The following MINK1 variants were observed in gnomAD, a reference collection of about 807,000 sequenced individuals.
MINK1 encodes misshapen-like kinase 1.
MINK1 carries 46 observed loss-of-function variants against 178.4 expected under a neutral mutation model. The observed-to-expected ratio is 0.26, with a 90% confidence interval of 0.20 to 0.33. The LOEUF is 0.33. Among genes scored for constraint, MINK1 ranks in the 10% least tolerant of loss-of-function variants. MINK1 has a pLI of 1.00. For missense variants in MINK1, 1,366 were observed against 1,814.9 expected (o/e 0.75, Z 4.49); for synonymous variants, 797 against 709.7 (o/e 1.12, Z -1.96).
Position 4,894,887 on chromosome 17 carries a change from C to T in MINK1, c.2918-188C>T, listed in dbSNP as rs1430344329. ...AAGCTAACAAGTGACAGAAATGGGACTTGAGCCAGACCTTTTGACTCCAAG... is the reference window on the plus strand; with the variant it reads ...AAGCTAACAAGTGACAGAAATGGGATTTGAGCCAGACCTTTTGACTCCAAG... On this transcript the variant is annotated intron_variant, in intron 24 of 31. Coordinates refer to ENST00000355280, the MANE Select transcript of MINK1 (RefSeq NM_153827.5). The surrounding 1 kb of genome is among the most constrained non-coding windows in gnomAD (Gnocchi z 4.1). 2 of 701,390 alleles carry T rather than the reference C, an allele frequency of 2.9e-6. No homozygotes were observed. The highest frequency in any genetic ancestry group is 3.6e-5 in the African/African-American group (2 of 55,812). 43.4% of individuals were successfully genotyped at this position (701,390 alleles called of 1,614,324 possible).
chr17:4,841,902 C>T (rs1225773624), intron 1 of MINK1, among the ~76,000 whole-genome samples: 5 of 151,962 alleles, frequency 3.3e-5, no homozygotes, highest in East Asian at 1.9e-4. Flanking sequence ...AGGGGGTGTT[C>T]GGAAATGCTG....
intron 1 of MINK1, among the ~76,000 whole-genome samples, chr17:4,844,193 G>T (rs1012536545): frequency 2.0e-5 from 3 of 151,984 alleles, no homozygotes; most frequent in African/African-American, 4.8e-5. Flanking sequence ...TAGAGACAGG[G>T]TTTCACCATG....
rs376469551 is a variant in MINK1 at position 4,871,363 on chromosome 17, T to A, written c.58-6954T>A. Among the ~76,000 whole-genome samples, 178 of 151,838 alleles carry A rather than the reference T, an allele frequency of 1.2e-3. 1 individual carries two copies. The highest frequency in any genetic ancestry group is 4.2e-3 in the African/African-American group (175 of 41,404). On this transcript the variant is annotated intron_variant, in intron 1 of 31. Transcript: ENST00000355280. ...ATGCCACCTTGCCTCACTAATTTTT[T>A]AAATTTTTTGTAGAGATGTGGTCTT...
rs1567549916 is a variant in MINK1, at chr17:4,836,538, T to TA, written c.57+2899dup. On this transcript the variant is annotated intron_variant, in intron 1 of 31. Coordinates refer to ENST00000355280, the MANE Select transcript of MINK1 (RefSeq NM_153827.5). The surrounding 1 kb of genome is among the most constrained non-coding windows in gnomAD (Gnocchi z 4.3). The stretch of plus-strand genomic sequence containing the variant: ...AATGTAACCCTGGCCCTGCTCCCCT[T>TA]ACTGCAGATTCTGCCAAGAGCCTTA... 6.6e-6 allele frequency among the ~76,000 whole-genome samples: 1 copy of TA among 152,194 alleles called. No homozygotes were observed. Among genetic ancestry groups the TA allele is most frequent in the Non-Finnish European group, 1.5e-5 (1 of 68,022 alleles).
Position 4,894,282 on chromosome 17 carries a change from A to C in MINK1, c.2779A>C (p.Ser927Arg). The C allele has an allele frequency of 6.2e-7, 1 of 1,613,000 alleles. No individual in the cohort carries two copies. The highest frequency in any genetic ancestry group is 2.2e-5 in the East Asian group (1 of 44,844). Reference sequence around the variant, plus strand: ...ACCCACCGAGAACAGCAAAGGCCAAAGCCCACCCTCGAAGGATGGGAGTGG... The same window carrying C: ...ACCCACCGAGAACAGCAAAGGCCAACGCCCACCCTCGAAGGATGGGAGTGG... ...HSPTENSKGQ[S>R]PPSKDGSGDY... Residue 927 changes from serine (S) to arginine (R), a missense_variant, in exon 23 of 32, where the codon AGC becomes CGC. By Grantham distance (110) the Ser-to-Arg change is moderately radical. Around this residue, in one of 14 missense-constraint regions of MINK1, gnomAD observed 709 missense variants for 692.3 expected, o/e 1.02. Coordinates refer to ENST00000355280, the MANE Select transcript of MINK1 (RefSeq NM_153827.5). The surrounding 1 kb of genome is among the most constrained non-coding windows in gnomAD (Gnocchi z 4.1).
chr17:4,837,502 C>T (rs1396417705), intron 1 of MINK1, among the ~76,000 whole-genome samples: 1 of 152,216 alleles, frequency 6.6e-6, no homozygotes, highest in Non-Finnish European at 1.5e-5. Context: ...CTGGAAGCCT[C>T]CAGCTGAGCG....
At chr17:4,889,029 G>A (rs1049345385) in intron 12 of MINK1, among the ~76,000 whole-genome samples, 4 of 152,150 alleles carry the variant, frequency 2.6e-5, no homozygotes, top group Non-Finnish European at 5.9e-5. Flanking sequence ...GGTGTTACCT[G>A]GAGAAGGCCT....
chr17:4,889,917 T>A, intron 13 of MINK1, 154 bp downstream of exon 13: 2 of 633,346 alleles, frequency 3.2e-6, no homozygotes, highest in Non-Finnish European at 5.4e-6. Context: ...CTCCCACCCT[T>A]CAACCCCAAC....
At position 4,894,227 on chromosome 17, in the gene MINK1, C is replaced by T. The variant is rs751774430; in HGVS notation, c.2724C>T (p.Asn908=). 4 of 1,613,374 alleles carry T rather than the reference C, an allele frequency of 2.5e-6. No homozygotes were observed. The African/African-American group carries it at 5.3e-5, about 22-fold the overall frequency. Residue 908 remains asparagine, a synonymous_variant, in exon 23 of 32, where the codon AAC becomes AAT. Transcript: ENST00000355280. This position sits in a 1 kb window ranked among gnomAD's most constrained non-coding sequence, Gnocchi z 4.1. The stretch of plus-strand genomic sequence containing the variant: ...ATGCTGACAGCAATGGGTACACAAA[C>T]CTGCCTGACGTGGTCCAGCCCAGCC... The part of the protein sequence containing the change: ...LLHADSNGYT[N]LPDVVQPSHS...
chr17:4,855,702 G>T (rs1259900582), intron 1 of MINK1, among the ~76,000 whole-genome samples: 1 of 150,074 alleles, frequency 6.7e-6, no homozygotes, highest in Non-Finnish European at 1.5e-5. Context: ...CCTGGGAGGC[G>T]GAGGTTGCAG....
chr17:4,855,687 G>A (rs112277394), intron 1 of MINK1, among the ~76,000 whole-genome samples: 10,652 of 147,816 alleles, frequency 0.072, 402 homozygotes, highest in Non-Finnish European at 0.093. Flanking sequence ...GGAGAATGGC[G>A]TGAACCTGGG....
intron 1 of MINK1, chr17:4,868,851 G>A: frequency 2.9e-6 from 1 of 341,072 alleles, no homozygotes; most frequent in Non-Finnish European, 6.1e-6. Context: ...CCAGGCTCAA[G>A]CAGTCCTCCC....
intron 14 of MINK1, 30 bp downstream of exon 14, chr17:4,890,765 C>G: frequency 6.5e-7 from 1 of 1,538,678 alleles, no homozygotes; most frequent in Non-Finnish European, 8.8e-7. Context: ...CCTCCTGAGA[C>G]TGCAGTCCCA....
Position 4,887,550 on chromosome 17 carries a change from C to T in MINK1, c.1020-30C>T. The T allele has an allele frequency of 6.8e-7, 1 of 1,473,536 alleles. No individual in the cohort carries two copies. Among genetic ancestry groups the T allele is most frequent in the Non-Finnish European group, 9.0e-7 (1 of 1,110,126 alleles). The allele number at this position is 1,473,536 out of a possible 1,614,324, so 91.3% of individuals were successfully genotyped here. A position where few individuals can be genotyped will look rare whatever the true frequency, so the allele number is the denominator to read the frequency against. ...AGTGGGAACCAACAGGGTTCTGACCCCAGTGCTTCTTTGTGCCACCCCTGC... is the reference window on the plus strand; with the variant it reads ...AGTGGGAACCAACAGGGTTCTGACCTCAGTGCTTCTTTGTGCCACCCCTGC... On this transcript the variant is annotated intron_variant, in intron 11 of 31. Coordinates refer to ENST00000355280, the MANE Select transcript of MINK1 (RefSeq NM_153827.5). This position sits in a 1 kb window ranked among gnomAD's most constrained non-coding sequence, Gnocchi z 7.6.
chr17:4,884,837 C>A, intron 5 of MINK1, 75 bp from the exon 6 acceptor site: 1 of 1,327,218 alleles, frequency 7.5e-7, no homozygotes, highest in Non-Finnish European at 1.1e-6. Context: ...TCCTTGTCCC[C>A]TCAACTCACT....
At chr17:4,893,224 T>C (rs1567620095) in intron 20 of MINK1, 157 bp downstream of exon 20, 1 of 1,522,492 alleles carries the variant, frequency 6.6e-7, no homozygotes, top group African/African-American at 2.0e-5. Flanking sequence ...TTTCCTAACC[T>C]CTCTCCTAAC....
At chr17:4,841,894 G>T (rs577184338) in intron 1 of MINK1, among the ~76,000 whole-genome samples, 1 of 152,122 alleles carries the variant, frequency 6.6e-6, no homozygotes, top group Non-Finnish European at 1.5e-5. Context: ...TGGCCTCCAG[G>T]GGGTGTTCGG....
intron 1 of MINK1, among the ~76,000 whole-genome samples, chr17:4,845,533 T>C (rs1910883529): frequency 6.6e-6 from 1 of 152,134 alleles, no homozygotes; most frequent in African/African-American, 2.4e-5. Context: ...CGGTCAACCC[T>C]CCTGGACCTC....
intron 1 of MINK1, among the ~76,000 whole-genome samples, chr17:4,835,654 G>A (rs1245948856): frequency 6.6e-6 from 1 of 152,064 alleles, no homozygotes; most frequent in East Asian, 1.9e-4. Context: ...ACAAAAAAAC[G>A]GGGCGGGTCC....
Sources: allele counts gnomAD v4.1 joint callset (sites outside exome capture counted in the v4.1 genomes callset), GRCh38; gene constraint gnomAD v4.1.1; regional missense constraint gnomAD v4.1.1; non-coding constraint Gnocchi (gnomAD v3.1); transcripts MANE v1.5; gene names NCBI Gene and HGNC (gene_info 2026-07-23, HGNC 2026-07-21).